The following MEOX2 variants were observed in gnomAD, a reference collection of about 807,000 sequenced individuals.
MEOX2 encodes mesenchyme homeobox 2, also known as homeobox protein MOX-2.
Under a neutral mutation model 27.0 loss-of-function variants are expected in MEOX2, and 11 were observed. The ratio of observed to expected loss-of-function variants is 0.41; its 90% CI spans 0.26 to 0.68. The LOEUF is 0.68. MEOX2 is among the 30% of genes least tolerant of loss of function. The probability of loss-of-function intolerance (pLI) is 0.33; values close to 1 mark genes in which losing one functional copy is unlikely to be tolerated. For synonymous variants in MEOX2, 189 were observed against 155.4 expected (o/e 1.22, Z -1.61); for missense variants, 436 against 385.4 (o/e 1.13, Z -1.10).
At chr7:15,645,973 A>G (rs1224468269) in intron 1 of MEOX2, among the ~76,000 whole-genome samples, 1 of 152,148 alleles carries the variant, frequency 6.6e-6, no homozygotes, top group Non-Finnish European at 1.5e-5. Flanking sequence ...ATCTTTCATA[A>G]GTAGATGCCT....
intron 1 of MEOX2, among the ~76,000 whole-genome samples, chr7:15,649,498 T>C (rs1215693700): frequency 6.6e-6 from 1 of 152,094 alleles, no homozygotes; most frequent in African/African-American, 2.4e-5. Flanking sequence ...ACATTTATGA[T>C]AGTTCTTCTA....
chr7:15,669,701 T>C (rs1782066364), intron 1 of MEOX2, among the ~76,000 whole-genome samples: 1 of 152,232 alleles, frequency 6.6e-6, no homozygotes, highest in Non-Finnish European at 1.5e-5. Context: ...CTCTTTTCTT[T>C]TGCATTTGCT....
chr7:15,622,985 G>A (rs984472376), intron 2 of MEOX2, among the ~76,000 whole-genome samples: 3 of 152,272 alleles, frequency 2.0e-5, no homozygotes, highest in Admixed American at 1.3e-4. Flanking sequence ...ACCAGACACC[G>A]AATCTGCTGA....
intron 1 of MEOX2, among the ~76,000 whole-genome samples, chr7:15,629,196 T>G (rs953700018): frequency 6.6e-6 from 1 of 152,090 alleles, no homozygotes; most frequent in African/African-American, 2.4e-5. Context: ...TTGAAAGTGA[T>G]CTTCTTTAAC....
intron 1 of MEOX2, among the ~76,000 whole-genome samples, chr7:15,647,289 T>C (rs909609088): frequency 6.6e-6 from 1 of 152,078 alleles, no homozygotes; most frequent in Non-Finnish European, 1.5e-5. Context: ...AATTGCTTAT[T>C]TTTACCAATA....
At chr7:15,680,813 C>T in intron 1 of MEOX2, 1 of 151,786 alleles carries the variant, frequency 6.6e-6, no homozygotes, top group Admixed American at 6.6e-5. Flanking sequence ...ACATCTACTT[C>T]AATTTTTAAT....
chr7:15,677,122 T>G (rs1163386532), intron 1 of MEOX2, among the ~76,000 whole-genome samples: 1 of 152,180 alleles, frequency 6.6e-6, no homozygotes, highest in Non-Finnish European at 1.5e-5. Flanking sequence ...ATTTTAAATC[T>G]TTAGTAATTA....
At chr7:15,653,136 A>G (rs531390303) in intron 1 of MEOX2, among the ~76,000 whole-genome samples, 203 of 123,620 alleles carry the variant, frequency 1.6e-3, no homozygotes, top group Non-Finnish European at 3.0e-3. Flanking sequence ...CATGCTTGCC[A>G]TCATGTGTTA....
chr7:15,639,966 T>C (rs899067742), intron 1 of MEOX2, among the ~76,000 whole-genome samples: 1 of 152,134 alleles, frequency 6.6e-6, no homozygotes, highest in Non-Finnish European at 1.5e-5. Context: ...CTATTTGAGC[T>C]CTCTTTTTTG....
chr7:15,627,032 C>T, intron 1 of MEOX2, 114 bp from the exon 2 acceptor site: 1 of 956,666 alleles, frequency 1.0e-6, no homozygotes, highest in Non-Finnish European at 1.6e-6. Context: ...AGACATGGAA[C>T]AAATAGAGAC....
At chr7:15,640,864 T>C (rs942350232) in intron 1 of MEOX2, among the ~76,000 whole-genome samples, 1 of 152,186 alleles carries the variant, frequency 6.6e-6, no homozygotes, top group Admixed American at 6.5e-5. Flanking sequence ...CTTGCTTCCC[T>C]GGAATTAAAC....
intron 1 of MEOX2, among the ~76,000 whole-genome samples, chr7:15,678,061 C>T (rs1782230521): frequency 6.6e-6 from 1 of 152,262 alleles, no homozygotes; most frequent in East Asian, 1.9e-4. Flanking sequence ...TGGGTGGCAG[C>T]AAGCCTCCAA....
At chr7:15,653,831 AC>A (rs1781778570) in intron 1 of MEOX2, among the ~76,000 whole-genome samples, 1 of 151,980 alleles carries the variant, frequency 6.6e-6, no homozygotes. Flanking sequence ...GGTATGTAAT[AC>A]ATCAAAATAG....
rs1038305599 is a variant in MEOX2, at chr7:15,653,788, C to T, written c.518-26870G>A. Among the ~76,000 whole-genome samples, 3 of 152,046 alleles carry T rather than the reference C, an allele frequency of 2.0e-5. No individual in the cohort carries two copies. The East Asian group carries it at 5.8e-4, about 29-fold the overall frequency. On this transcript the variant is annotated intron_variant, in intron 1 of 2. Transcript: ENST00000262041. ...TTTCCATTAATATATGTTTCTGTGT[C>T]TCCACCAATACCACACAGTTTTGAT...
chr7:15,676,503 T>A (rs1782195052), intron 1 of MEOX2, among the ~76,000 whole-genome samples: 1 of 152,168 alleles, frequency 6.6e-6, no homozygotes, highest in Non-Finnish European at 1.5e-5. Context: ...TTCATTGTCA[T>A]ATTTGAATTC....
rs1583731695 is a variant in MEOX2, at chr7:15,612,467, T to C, written c.835A>G (p.Thr279Ala). 6.2e-7 allele frequency: 1 copy of C among 1,614,018 alleles called. No homozygotes were observed. Among genetic ancestry groups the C allele is most frequent in the Non-Finnish European group, 8.5e-7 (1 of 1,180,030 alleles). Residue 279 changes from threonine to alanine, a missense_variant, in exon 3 of 3, where the codon ACC becomes GCC. Thr to Ala is a moderately conservative substitution (Grantham distance 58). Coordinates refer to ENST00000262041, the MANE Select transcript of MEOX2 (RefSeq NM_005924.5). ...PSELSGIGAA[T>A]LQQTGDSIAN... ...ATAGAGTCCCCTGTTTGCTGGAGGG[T>C]GGCTGCACCAATTCCCGACAGCTCT...
At chr7:15,682,941 A>G (rs139790119) in intron 1 of MEOX2, among the ~76,000 whole-genome samples, 2,893 of 152,032 alleles carry the variant, frequency 0.019, 92 homozygotes, top group African/African-American at 0.067. Context: ...GTGTTTTTCT[A>G]TTAAATTTGG....
chr7:15,682,255 A>T (rs1312847093), intron 1 of MEOX2, among the ~76,000 whole-genome samples: 1 of 151,870 alleles, frequency 6.6e-6, no homozygotes, highest in African/African-American at 2.4e-5. Flanking sequence ...CACAGAAATG[A>T]ATAATAACAC....
At chr7:15,666,779 A>AAATATAT (rs1782014585) in intron 1 of MEOX2, among the ~76,000 whole-genome samples, 5 of 33,318 alleles carry the variant, frequency 1.5e-4, no homozygotes, top group African/African-American at 5.4e-4. Flanking sequence ...AAAAAAAAAA[A>AAATATAT]ATATATATAT....
Sources: allele counts gnomAD v4.1 joint callset (sites outside exome capture counted in the v4.1 genomes callset), GRCh38; gene constraint gnomAD v4.1.1; transcripts MANE v1.5; gene names NCBI Gene and HGNC (gene_info 2026-07-23, HGNC 2026-07-21).